Variants in AUTS2 observed in about 807,000 individuals in gnomAD.
The protein encoded by AUTS2 is activator of transcription and developmental regulator AUTS2.
AUTS2 carries 17 observed loss-of-function variants against 112.4 expected under a neutral mutation model. The observed-to-expected ratio is 0.15, with a 90% CI of 0.10 to 0.23. AUTS2 has a LOEUF of 0.23. Among genes scored for constraint, AUTS2 ranks in the 10% least tolerant of loss-of-function variants. The pLI is 1.00. For missense variants in AUTS2, 1,510 were observed against 1,701.6 expected (o/e 0.89, Z 1.98); for synonymous variants, 751 against 702.7 (o/e 1.07, Z -1.09).
Position 70,697,301 on chromosome 7 carries a change from C to A in AUTS2, c.691-1268C>A, listed in dbSNP as rs570747116. 2.0e-5 allele frequency among the ~76,000 whole-genome samples: 3 copies of A among 152,294 alleles called. No individual in the cohort carries two copies. In the South Asian group the frequency reaches 6.2e-4, roughly 32 times the overall value. On this transcript the variant is annotated intron_variant, in intron 5 of 18. Transcript: ENST00000342771. Reference sequence around the variant, plus strand: ...TATGCACTTCAATGTTCGTTTTGCACATACATTCATTGTTTCTGGATTGGT... The same window carrying A: ...TATGCACTTCAATGTTCGTTTTGCAAATACATTCATTGTTTCTGGATTGGT...
At chr7:69,858,915 A>G (rs1792854059) in intron 1 of AUTS2, among the ~76,000 whole-genome samples, 2 of 152,218 alleles carry the variant, frequency 1.3e-5, no homozygotes, top group African/African-American at 4.8e-5. Flanking sequence ...ACTGGATATC[A>G]TGTAGGTACT....
chr7:70,162,378 G>A (rs1234463263), intron 4 of AUTS2, among the ~76,000 whole-genome samples: 5 of 144,886 alleles, frequency 3.5e-5, no homozygotes, highest in South Asian at 2.2e-4. Flanking sequence ...CCCGGGAGGC[G>A]GAGCTTGCAG....
intron 5 of AUTS2, among the ~76,000 whole-genome samples, chr7:70,606,121 G>A (rs1420896850): frequency 1.3e-5 from 2 of 152,190 alleles, no homozygotes; most frequent in African/African-American, 4.8e-5. Flanking sequence ...TTTCAAGAAT[G>A]ACTCAATTCG....
At chr7:70,331,849 C>A (rs981033094) in intron 4 of AUTS2, among the ~76,000 whole-genome samples, 1 of 151,946 alleles carries the variant, frequency 6.6e-6, no homozygotes, top group Admixed American at 6.6e-5. Flanking sequence ...TATGACAGAC[C>A]CACAGACATA....
chr7:69,743,496 A>G (rs1787355397), intron 1 of AUTS2, among the ~76,000 whole-genome samples: 1 of 152,146 alleles, frequency 6.6e-6, no homozygotes, highest in Non-Finnish European at 1.5e-5. Context: ...ATTTTTTTCA[A>G]CTTTATTTTT....
rs1284737813 is a variant in AUTS2 at position 70,128,723 on chromosome 7, G to A, written c.625-5813G>A. Among the ~76,000 whole-genome samples, 4 of 152,198 alleles carry A rather than the reference G, an allele frequency of 2.6e-5. No homozygotes were observed. In the South Asian group the frequency reaches 8.3e-4, roughly 32 times the overall value. On this transcript the variant is annotated intron_variant, in intron 3 of 18. Coordinates refer to ENST00000342771, the MANE Select transcript of AUTS2 (RefSeq NM_015570.4). ...AATTTCCTGGGCTGCTTTAATGAATGACCACAAACTGTATGGCTGGAAACA... is the reference window on the plus strand; with the variant it reads ...AATTTCCTGGGCTGCTTTAATGAATAACCACAAACTGTATGGCTGGAAACA...
chr7:70,176,879 A>C (rs1421163094), intron 4 of AUTS2, among the ~76,000 whole-genome samples: 1 of 152,170 alleles, frequency 6.6e-6, no homozygotes, highest in Non-Finnish European at 1.5e-5. Flanking sequence ...TTGATCTCAG[A>C]TCATACCCTG....
At chr7:69,721,581 C>T (rs1798944489) in intron 1 of AUTS2, among the ~76,000 whole-genome samples, 1 of 152,126 alleles carries the variant, frequency 6.6e-6, no homozygotes, top group Non-Finnish European at 1.5e-5. Context: ...TCTTGCCTAT[C>T]ACAGTGAGAA....
chr7:70,402,907 T>G (rs938849823), intron 4 of AUTS2, among the ~76,000 whole-genome samples: 4 of 152,232 alleles, frequency 2.6e-5, no homozygotes, highest in African/African-American at 9.6e-5. Context: ...CTCCCCTGGA[T>G]GCACGCAAAG....
In AUTS2 at chr7:70,789,998, G is replaced by A. The variant is rs1437864529; in HGVS notation, c.2782G>A (p.Ala928Thr). ...GGACGGGCACGGCCACGAGGGGCGC[G>A]CCGCGGGCGAAGAGGCCAAGCAGCT... ...EKDGHGHEGRAAGEEAKQLAR... is the reference protein window; with the variant it reads ...EKDGHGHEGRTAGEEAKQLAR... Residue 928 changes from alanine (A) to threonine (T), a missense_variant, in exon 19 of 19, where the codon GCC becomes ACC. This residue lies in a region of AUTS2 where 788 missense variants were observed against 797.6 expected (regional missense o/e 0.99). Coordinates refer to ENST00000342771, the MANE Select transcript of AUTS2 (RefSeq NM_015570.4). 22 of 1,601,386 alleles carry A rather than the reference G, an allele frequency of 1.4e-5. No homozygotes were observed. The highest frequency in any genetic ancestry group is 3.5e-5 in the Admixed American group (2 of 57,834).
At chr7:70,746,617 G>A (rs1258977344) in intron 6 of AUTS2, among the ~76,000 whole-genome samples, 2 of 152,192 alleles carry the variant, frequency 1.3e-5, no homozygotes, top group Non-Finnish European at 2.9e-5. Context: ...ACTGGATAGG[G>A]GTTAACCGTG....
intron 2 of AUTS2, among the ~76,000 whole-genome samples, chr7:69,956,439 C>T (rs564279456): frequency 8.5e-5 from 13 of 152,102 alleles, no homozygotes; most frequent in East Asian, 3.9e-4. Context: ...CACCTGTAAC[C>T]GTTATTACTC....
intron 5 of AUTS2, among the ~76,000 whole-genome samples, chr7:70,452,350 T>A (rs1031855524): frequency 3.9e-5 from 6 of 152,032 alleles, no homozygotes; most frequent in Admixed American, 1.3e-4. Context: ...TCCCAGCTAA[T>A]TGGGAGGCTG....
chr7:70,609,199 T>G (rs1436220884), intron 5 of AUTS2, among the ~76,000 whole-genome samples: 2 of 152,150 alleles, frequency 1.3e-5, no homozygotes. Flanking sequence ...TTTTACATCC[T>G]TTGACCAACA....
At chr7:70,431,884 C>T (rs900240690) in intron 4 of AUTS2, among the ~76,000 whole-genome samples, 2 of 152,168 alleles carry the variant, frequency 1.3e-5, no homozygotes, top group African/African-American at 4.8e-5. Flanking sequence ...GGAACTAGTC[C>T]CTTTCTAACT....
intron 2 of AUTS2, among the ~76,000 whole-genome samples, chr7:69,996,063 A>G (rs751799875): frequency 6.6e-6 from 1 of 152,216 alleles, no homozygotes; most frequent in Non-Finnish European, 1.5e-5. Context: ...TAAATAATTC[A>G]TTCCTACAGT....
chr7:69,941,325 G>A (rs1276190986), intron 2 of AUTS2, among the ~76,000 whole-genome samples: 1 of 152,166 alleles, frequency 6.6e-6, no homozygotes, highest in Non-Finnish European at 1.5e-5. Flanking sequence ...GGATTCAAGA[G>A]GAAAAGGGGT....
intron 4 of AUTS2, among the ~76,000 whole-genome samples, chr7:70,432,697 A>G (rs1795725804): frequency 6.6e-6 from 1 of 152,158 alleles, no homozygotes; most frequent in African/African-American, 2.4e-5. Context: ...CTGTTTGCTG[A>G]GTGCATTTAT....
intron 4 of AUTS2, among the ~76,000 whole-genome samples, chr7:70,218,797 A>G (rs1811310204): frequency 6.6e-6 from 1 of 152,170 alleles, no homozygotes; most frequent in Non-Finnish European, 1.5e-5. Context: ...TTACCCTCTG[A>G]TAGCCACCTG....
Sources: gnomAD v4.1 joint callset for allele counts (sites outside exome capture counted in the v4.1 genomes callset) on GRCh38, gnomAD v4.1.1 for gene constraint, gnomAD v4.1.1 regional missense constraint, MANE v1.5 for transcripts, NCBI Gene and HGNC (gene_info 2026-07-23, HGNC 2026-07-21) for gene names.